FABP4: variants seen among roughly 807,000 people sequenced by gnomAD.
FABP4 encodes the protein fatty acid binding protein 4, also known as fatty acid-binding protein, adipocyte.
Under a neutral mutation model 14.6 loss-of-function variants are expected in FABP4, and 17 were observed. The ratio of observed to expected loss-of-function variants is 1.16; its 90% confidence interval spans 0.80 to 1.74. FABP4 has a LOEUF of 1.74. FABP4 is among the 40% of genes most tolerant of loss of function. The pLI is 0.00. For synonymous variants in FABP4, 54 were observed against 54.6 expected (o/e 0.99, Z 0.05); for missense variants, 149 against 160.3 (o/e 0.93, Z 0.38).
Position 81,478,782 on chromosome 8 carries a change from C to CAACAATATCTTTTTG in FABP4, c.*68_*82dup. On this transcript the variant is annotated 3_prime_UTR_variant, in exon 4 of 4. Transcript: ENST00000256104. ...TAGTTGCTTGCTAAATCATGGAAAA[C>CAACAATATCTTTTTG]AACAATATCTTTTTGAACAATATAT... The CAACAATATCTTTTTG allele has an allele frequency of 7.9e-7, 1 of 1,273,162 alleles. No individual in the cohort carries two copies. The highest frequency in any genetic ancestry group is 1.4e-5 in the South Asian group (1 of 69,694). The allele number at this position is 1,273,162 out of a possible 1,614,324, so 78.9% of individuals were successfully genotyped here.
rs75867344 is a variant in FABP4 at position 81,479,571 on chromosome 8, A to T, written c.247-56T>A. ...TGCAGAGGGAGGCAGAAAAAAATTTAAAATAGAGTGCCTTTGTTCAAAGGA... is the reference window on the plus strand; with the variant it reads ...TGCAGAGGGAGGCAGAAAAAAATTTTAAATAGAGTGCCTTTGTTCAAAGGA... On this transcript the variant is annotated intron_variant, in intron 2 of 3. Transcript: ENST00000256104. The T allele has an allele frequency of 2.4e-3, 2,918 of 1,231,548 alleles. 44 individuals are homozygous for T. In the African/African-American group the frequency reaches 0.038, roughly 16 times the overall value. 76.3% of individuals were successfully genotyped at this position (1,231,548 alleles called of 1,614,324 possible).
Position 81,478,908 on chromosome 8 carries a change from A to G in FABP4, c.356T>C (p.Val119Ala). ...TCTCGTGGAAGTGACGCCTTTCATG[A>G]CGCATTCCTAGACACAAAAAACAAT... ...REDDKLVVEC[V>A]MKGVTSTRVY... Residue 119 changes from valine (V) to alanine (A), a missense_variant, in exon 4 of 4, where the codon GTC becomes GCC. Physicochemically the swap from Val to Ala is moderately conservative, Grantham distance 64 (BLOSUM62 0). Coordinates refer to ENST00000256104, the MANE Select transcript of FABP4 (RefSeq NM_001442.3). The G allele has an allele frequency of 1.2e-6, 2 of 1,613,170 alleles. No individual in the cohort carries two copies. Among genetic ancestry groups the G allele is most frequent in the South Asian group, 1.1e-5 (1 of 91,040 alleles).
intron 2 of FABP4, 68 bp from the exon 3 acceptor site, chr8:81,479,583 C>A: frequency 9.0e-7 from 1 of 1,114,458 alleles, no homozygotes; most frequent in Non-Finnish European, 1.4e-6. Context: ...AATAGAGTGC[C>A]TTTGTTCAAA....
Position 81,478,791 on chromosome 8 carries a change from C to A in FABP4, c.*74G>T. ...GCTAAATCATGGAAAACAACAATAT[C>A]TTTTTGAACAATATATCCCACAGAA... On this transcript the variant is annotated 3_prime_UTR_variant, in exon 4 of 4. Coordinates refer to ENST00000256104, the MANE Select transcript of FABP4 (RefSeq NM_001442.3). The A allele has an allele frequency of 3.7e-6, 5 of 1,333,648 alleles. No individual in the cohort carries two copies. In the Admixed American group the frequency reaches 6.2e-5, roughly 17 times the overall value. 82.6% of individuals were successfully genotyped at this position (1,333,648 alleles called of 1,614,324 possible).
chr8:81,479,029 G>T, intron 3 of FABP4, 114 bp from the exon 4 acceptor site: 1 of 896,030 alleles, frequency 1.1e-6, no homozygotes, highest in Non-Finnish European at 1.8e-6. Context: ...TTCATTTCTG[G>T]ACTCCTATAT....
At chr8:81,482,218 T>A (rs1808090164) in intron 1 of FABP4, among the ~76,000 whole-genome samples, 1 of 152,176 alleles carries the variant, frequency 6.6e-6, no homozygotes, top group African/African-American at 2.4e-5. Flanking sequence ...ATTTAATGAT[T>A]ACATTCTAAA....
chr8:81,481,279 A>G (rs114060881), intron 1 of FABP4, among the ~76,000 whole-genome samples: 3,484 of 152,224 alleles, frequency 0.023, 129 homozygotes, highest in African/African-American at 0.077. Context: ...ATCATTGCTA[A>G]TAATTTATAG....
intron 1 of FABP4, among the ~76,000 whole-genome samples, chr8:81,482,335 C>T (rs1808092684): frequency 6.6e-6 from 1 of 152,090 alleles, no homozygotes; most frequent in African/African-American, 2.4e-5. Context: ...GTAGAAGCTG[C>T]CTGAGTGAGA....
rs772765756 is a variant in FABP4 at position 81,479,514 on chromosome 8, C to T, written c.248G>A (p.Ser83Asn). The T allele has an allele frequency of 6.2e-7, 1 of 1,610,574 alleles. No homozygotes were observed. Among genetic ancestry groups the T allele is most frequent in the South Asian group, 1.1e-5 (1 of 90,808 alleles). The change falls in exon 3 of 4, where the codon AGC becomes AAC. Residue 83 changes from serine (S) to asparagine (N), a missense_variant and splice_region_variant. Physicochemically the swap from Ser to Asn is conservative, Grantham distance 46 (BLOSUM62 1). Transcript: ENST00000256104. The stretch of plus-strand genomic sequence containing the variant: ...GACACCCCCATCTAAGGTTATGGTG[C>T]TCTGTAGGCATAAGAAAATGTAATG... ...EVTADDRKVK[S>N]TITLDGGVLV...
At chr8:81,480,380 A>C (rs1808058899) in intron 2 of FABP4, 46 bp downstream of exon 2, 1 of 1,558,298 alleles carries the variant, frequency 6.4e-7, no homozygotes, top group Non-Finnish European at 8.7e-7. Context: ...AGCAGTGGTG[A>C]TTTAGAAACC....
chr8:81,479,627 A>G (rs1252091224), intron 2 of FABP4, 112 bp from the exon 3 acceptor site: 1 of 675,540 alleles, frequency 1.5e-6, no homozygotes. Flanking sequence ...ATTCTAAATG[A>G]CAAGAATATA....
chr8:81,483,049 A>C, intron 1 of FABP4, 46 bp downstream of exon 1: 4 of 1,505,030 alleles, frequency 2.7e-6, no homozygotes, highest in Non-Finnish European at 3.6e-6. Context: ...CTTTTTCCCA[A>C]AAGAAAATAT....
chr8:81,479,279 G>T, intron 3 of FABP4, 135 bp downstream of exon 3: 1 of 730,086 alleles, frequency 1.4e-6, no homozygotes, highest in African/African-American at 1.8e-5. Context: ...AAATGCCAGA[G>T]TGGAAGCATA....
At chr8:81,481,697 T>C (rs1470843419) in intron 1 of FABP4, among the ~76,000 whole-genome samples, 1 of 152,158 alleles carries the variant, frequency 6.6e-6, no homozygotes, top group Non-Finnish European at 1.5e-5. Flanking sequence ...TGGCCACAGG[T>C]GTGTCTTCAT....
chr8:81,482,188 G>T (rs1027913745), intron 1 of FABP4, among the ~76,000 whole-genome samples: 1 of 152,084 alleles, frequency 6.6e-6, no homozygotes, highest in African/African-American at 2.4e-5. Flanking sequence ...ATAATTTACA[G>T]GAGGGTTAAG....
rs1448065072 is a variant in FABP4, at chr8:81,478,716, C to G, written c.*149G>C. The G allele has an allele frequency of 1.6e-6, 1 of 614,934 alleles. No individual in the cohort carries two copies. Among genetic ancestry groups the G allele is most frequent in the Non-Finnish European group, 2.8e-6 (1 of 363,592 alleles). 38.1% of individuals were successfully genotyped at this position (614,934 alleles called of 1,614,324 possible). A position where few individuals can be genotyped will look rare whatever the true frequency, so the allele number is the denominator to read the frequency against. ...CTAAATCTAAAAAAAGTTTATTTAA[C>G]CAACGTAACCATATTGAATAAAATC... On this transcript the variant is annotated 3_prime_UTR_variant, in exon 4 of 4. Coordinates refer to ENST00000256104, the MANE Select transcript of FABP4 (RefSeq NM_001442.3).
At chr8:81,480,729 A>G in intron 1 of FABP4, 131 bp from the exon 2 acceptor site, 1 of 641,040 alleles carries the variant, frequency 1.6e-6, no homozygotes, top group Non-Finnish European at 2.4e-6. Flanking sequence ...TTAAAGGCCT[A>G]ATTTAAACAG....
intron 1 of FABP4, among the ~76,000 whole-genome samples, chr8:81,481,291 G>A (rs1808076102): frequency 6.6e-6 from 1 of 151,860 alleles, no homozygotes; most frequent in Non-Finnish European, 1.5e-5. Context: ...AATTTATAGG[G>A]GATATTTAAA....
rs2305318 is a variant in FABP4, at chr8:81,479,700, T to A, written c.247-185A>T. The A allele has an allele frequency of 3.2e-5, 15 of 469,366 alleles. No homozygotes were observed. The East Asian group carries it at 5.1e-4, about 16-fold the overall frequency. The allele number at this position is 469,366 out of a possible 1,614,324, so 29.1% of individuals were successfully genotyped here. On this transcript the variant is annotated intron_variant, in intron 2 of 3. Transcript: ENST00000256104. ...CATAACCACTTATGGATACGTTATG[T>A]CCAGAGTGTTATACAAATTACATAA... is the stretch of plus-strand genomic sequence containing the variant.
Sources: gnomAD v4.1 joint callset for allele counts (sites outside exome capture counted in the v4.1 genomes callset) on GRCh38, gnomAD v4.1.1 for gene constraint, MANE v1.5 for transcripts, NCBI Gene and HGNC (gene_info 2026-07-23, HGNC 2026-07-21) for gene names.